The following PPP1R13L variants were observed in gnomAD, a reference collection of about 807,000 sequenced individuals.
PPP1R13L encodes relA-associated inhibitor.
In PPP1R13L, 50 loss-of-function variants were observed where a neutral mutation model predicts 80.9. The observed-to-expected ratio is 0.62, with a 90% CI of 0.49 to 0.78. The LOEUF (loss-of-function observed/expected upper bound fraction) is 0.78, where lower values mean the gene tolerates loss of function less well. PPP1R13L is among the 30% of genes least tolerant of loss of function. The pLI is 0.00. For missense variants in PPP1R13L, 1,200 were observed against 1,205.9 expected, an observed-to-expected ratio of 1.00 and a Z score of 0.07; for synonymous variants, 602 against 534.3, an observed-to-expected ratio of 1.13 and a Z score of -1.75.
intron 7 of PPP1R13L, among the ~76,000 whole-genome samples, chr19:45,393,640 C>T (rs528275265): frequency 2.0e-5 from 3 of 151,168 alleles, no homozygotes; most frequent in African/African-American, 4.9e-5. Flanking sequence ...TTTGGGAGGC[C>T]GAGGTGGGCA....
chr19:45,389,486 G>A (rs1318473249), intron 8 of PPP1R13L, among the ~76,000 whole-genome samples: 2 of 152,158 alleles, frequency 1.3e-5, no homozygotes, highest in Non-Finnish European at 2.9e-5. Context: ...ACAGTTATGT[G>A]CCAGGTATTA....
chr19:45,387,250 A>C (rs1972888596), intron 8 of PPP1R13L, among the ~76,000 whole-genome samples: 1 of 152,070 alleles, frequency 6.6e-6, no homozygotes, highest in African/African-American at 2.4e-5. Flanking sequence ...CCTGGGCAAC[A>C]GAGTGAGACC....
At chr19:45,399,468 C>T (rs1973188356) in intron 1 of PPP1R13L, among the ~76,000 whole-genome samples, 1 of 146,698 alleles carries the variant, frequency 6.8e-6, no homozygotes. Context: ...ACTAAAAATA[C>T]CAAAAATTAG....
chr19:45,384,789 G>A (rs536915476), intron 11 of PPP1R13L, among the ~76,000 whole-genome samples: 25 of 151,936 alleles, frequency 1.6e-4, no homozygotes, highest in African/African-American at 5.1e-4. Context: ...GGAGGTGGAG[G>A]TTGCAGTGAG....
At chr19:45,403,363 T>G (rs1052697286) in intron 1 of PPP1R13L, among the ~76,000 whole-genome samples, 1 of 152,154 alleles carries the variant, frequency 6.6e-6, no homozygotes, top group African/African-American at 2.4e-5. Flanking sequence ...CCCTGAGTTT[T>G]GACACCCAGG....
intron 11 of PPP1R13L, 70 bp from the exon 12 acceptor site, chr19:45,382,796 T>A (rs1423266979): frequency 6.8e-7 from 1 of 1,473,900 alleles, no homozygotes; most frequent in African/African-American, 1.4e-5. Flanking sequence ...CCACGTGGGG[T>A]CCAGGACAGA....
intron 11 of PPP1R13L, among the ~76,000 whole-genome samples, chr19:45,384,711 G>A (rs891201126): frequency 3.3e-5 from 5 of 151,738 alleles, no homozygotes; most frequent in Non-Finnish European, 5.9e-5. Context: ...AAAATGAGTC[G>A]GGCATGGTGG....
At position 45,380,110 on chromosome 19, in the gene PPP1R13L, A is replaced by G; in HGVS notation, c.*80T>C. ...CAGGGTGAGGGGTGCAGATAAAGGC[A>G]GCAAAAAACAGAGGGAGAGGTCTGG... On this transcript the variant is annotated 3_prime_UTR_variant, in exon 13 of 13. Coordinates refer to ENST00000360957, the MANE Select transcript of PPP1R13L (RefSeq NM_006663.4). 6.6e-7 allele frequency: 1 copy of G among 1,517,016 alleles called. No individual in the cohort carries two copies. 94.0% of individuals were successfully genotyped at this position (1,517,016 alleles called of 1,614,324 possible). A position where few individuals can be genotyped will look rare whatever the true frequency, so the allele number is the denominator to read the frequency against.
rs191886992 is a variant in PPP1R13L, at chr19:45,399,374, C to T, written c.-21-1035G>A. On this transcript the variant is annotated intron_variant, in intron 1 of 12. Transcript: ENST00000360957. Reference sequence around the variant, plus strand: ...GCGCGGTGGCTCACGCCTGTAATTCCAGCACTTTGGGAGGCCAAGGAGGGC... The same window carrying T: ...GCGCGGTGGCTCACGCCTGTAATTCTAGCACTTTGGGAGGCCAAGGAGGGC... Among the ~76,000 whole-genome samples, 504 of 147,784 alleles carry T rather than the reference C, an allele frequency of 3.4e-3. 4 individuals are homozygous for T. The highest frequency in any genetic ancestry group is 0.016 in the Middle Eastern group (4 of 258).
intron 8 of PPP1R13L, among the ~76,000 whole-genome samples, chr19:45,387,831 G>A (rs1381002160): frequency 6.6e-6 from 1 of 152,178 alleles, no homozygotes; most frequent in Non-Finnish European, 1.5e-5. Flanking sequence ...GATTACAGGT[G>A]TGAGCCATCA....
In PPP1R13L at chr19:45,396,773, C is replaced by T. The variant is rs2123387193; in HGVS notation, c.484G>A (p.Gly162Arg). The T allele has an allele frequency of 7.4e-7, 1 of 1,354,970 alleles. No homozygotes were observed. Among genetic ancestry groups the T allele is most frequent in the East Asian group, 3.1e-5 (1 of 32,602 alleles). 83.9% of individuals were successfully genotyped at this position (1,354,970 alleles called of 1,614,324 possible). A position where few individuals can be genotyped will look rare whatever the true frequency, so the allele number is the denominator to read the frequency against. ...CCCTGCTGGCGGAGCGGGCCTGGCC[C>T]GGGCCGCGGGGAGGGCGCACGGCCG... The part of the protein sequence containing the change: ...SLGRAPSPRP[G>R]PGPLRQQGPP... Residue 162 changes from glycine (G) to arginine (R), a missense_variant, in exon 4 of 13, where the codon GGG becomes AGG. Around this residue, in one of 5 missense-constraint regions of PPP1R13L, gnomAD observed 764 missense variants for 714.5 expected, o/e 1.07. Transcript: ENST00000360957. This position sits in a 1 kb window ranked among gnomAD's most constrained non-coding sequence, Gnocchi z 5.3.
In PPP1R13L at chr19:45,386,124, G is replaced by A. The variant is rs770707909; in HGVS notation, c.1872C>T (p.Arg624=). ...CCAGGAGGAGCACCAGAGGGTTGAG[G>A]CGCGCGCGGCGGGCCTTGCGCGGGG... The part of the protein sequence containing the change: ...AGSPRKARRA[R]LNPLVLLLDA... Residue 624 remains arginine (R), a synonymous_variant, in exon 9 of 13, where the codon CGC becomes CGT. Transcript: ENST00000360957. The A allele has an allele frequency of 1.9e-6, 3 of 1,549,534 alleles. No homozygotes were observed. In the African/African-American group the frequency reaches 4.1e-5, roughly 21 times the overall value.
At chr19:45,391,427 A>C (rs35660919) in intron 8 of PPP1R13L, among the ~76,000 whole-genome samples, 12,938 of 152,232 alleles carry the variant, frequency 0.085, 707 homozygotes, top group Middle Eastern at 0.13. Context: ...AGCAGAGAAC[A>C]TCTCTATGTG....
chr19:45,398,572 CT>C (rs1353441639), intron 1 of PPP1R13L, among the ~76,000 whole-genome samples: 3 of 150,312 alleles, frequency 2.0e-5, no homozygotes, highest in South Asian at 4.2e-4. Context: ...CTTTCTCTTT[CT>C]TTTTTTCTTT....
At chr19:45,395,967 G>A in intron 6 of PPP1R13L, 81 bp from the exon 7 acceptor site, 4 of 1,365,072 alleles carry the variant, frequency 2.9e-6, no homozygotes, top group Non-Finnish European at 4.0e-6. Context: ...CGAGAAGGGA[G>A]AGGAGGTGAG....
chr19:45,395,546 T>C lies in PPP1R13L; in HGVS notation c.1244A>G (p.Gln415Arg). The change falls in exon 7 of 13, where the codon CAG becomes CGG. Residue 415 changes from glutamine (Q) to arginine (R), a missense_variant. Gln to Arg is a conservative substitution (Grantham distance 43). Around this residue, in one of 5 missense-constraint regions of PPP1R13L, gnomAD observed 764 missense variants for 714.5 expected, o/e 1.07. Transcript: ENST00000360957. Reference protein sequence around the residue: ...KLQPQPQPQPQPQSQPQPQLP... With the variant: ...KLQPQPQPQPRPQSQPQPQLP... ...CTGGGGCTGTGGTTGTGATTGTGGC[T>C]GGGGCTGTGGTTGTGGTTGGGGCTG... The C allele has an allele frequency of 1.4e-6, 2 of 1,475,650 alleles. No individual in the cohort carries two copies. Among genetic ancestry groups the C allele is most frequent in the Non-Finnish European group, 1.8e-6 (2 of 1,113,882 alleles). The allele number at this position is 1,475,650 out of a possible 1,614,324, so 91.4% of individuals were successfully genotyped here. A position where few individuals can be genotyped will look rare whatever the true frequency, so the allele number is the denominator to read the frequency against.
chr19:45,405,125 G>A, upstream of PPP1R13L: 1 of 882,716 alleles, frequency 1.1e-6, no homozygotes, highest in Non-Finnish European at 1.4e-6. Context: ...GAGGGAGGCG[G>A]GTCCCGGTGG....
At chr19:45,390,832 C>T (rs1972957219) in intron 8 of PPP1R13L, among the ~76,000 whole-genome samples, 1 of 152,264 alleles carries the variant, frequency 6.6e-6, no homozygotes, top group East Asian at 1.9e-4. Context: ...GATCCACCCA[C>T]CTCGGCCTCC....
At chr19:45,405,163 A>T (rs34659674), upstream of PPP1R13L, 1,796 of 415,620 alleles carry the variant, frequency 4.3e-3, 6 homozygotes, top group Non-Finnish European at 5.4e-3. Flanking sequence ...CGCCTCGAGC[A>T]CCTTGGGACT....
Sources: allele counts gnomAD v4.1 joint callset (sites outside exome capture counted in the v4.1 genomes callset), GRCh38; gene constraint gnomAD v4.1.1; regional missense constraint gnomAD v4.1.1; non-coding constraint Gnocchi (gnomAD v3.1); transcripts MANE v1.5; gene names NCBI Gene and HGNC (gene_info 2026-07-23, HGNC 2026-07-21).